DNAH5: variants seen among roughly 807,000 people sequenced by gnomAD.
DNAH5 encodes the protein dynein axonemal heavy chain 5.
In DNAH5, 372 loss-of-function variants were observed where a neutral mutation model predicts 518.2. The ratio of observed to expected loss-of-function variants is 0.72; its 90% CI spans 0.66 to 0.78. The LOEUF (loss-of-function observed/expected upper bound fraction) is 0.78. Ranked by LOEUF, DNAH5 falls within the 30% of genes least tolerant of loss-of-function variation. DNAH5 has a pLI of 0.00. For synonymous variants in DNAH5, 2,039 were observed against 2,025.9 expected (o/e 1.01, Z -0.17); for missense variants, 5,523 against 5,687.0 (o/e 0.97, Z 0.93).
intron 29 of DNAH5, among the ~76,000 whole-genome samples, chr5:13,861,793 C>T (rs893421173): frequency 9.9e-5 from 15 of 151,920 alleles, no homozygotes; most frequent in Middle Eastern, 6.8e-3. Context: ...CCTGTCTCTA[C>T]TAAAAATACA....
intron 65 of DNAH5, among the ~76,000 whole-genome samples, chr5:13,747,468 T>A (rs1304364558): frequency 1.3e-5 from 2 of 152,212 alleles, no homozygotes; most frequent in Non-Finnish European, 2.9e-5. Context: ...CGCCACACTG[T>A]CTTCCACAAT....
intron 74 of DNAH5, among the ~76,000 whole-genome samples, 163 bp downstream of exon 74, chr5:13,716,324 T>C (rs1744274411): frequency 1.3e-5 from 2 of 152,152 alleles, no homozygotes; most frequent in Admixed American, 1.3e-4. Flanking sequence ...ATTTTAATCA[T>C]CCATTGAGTA....
chr5:13,900,055 A>G (rs1451486229), intron 15 of DNAH5, 151 bp downstream of exon 15: 1 of 708,452 alleles, frequency 1.4e-6, no homozygotes, highest in East Asian at 2.7e-5. Context: ...GCCCCAGCCA[A>G]CTCTGCAGCT....
In DNAH5 at chr5:13,837,291, C is replaced by A. The variant is rs530431917; in HGVS notation, c.5882+2065G>T. The stretch of plus-strand genomic sequence containing the variant: ...AAAAACAAGGTGGAGAGAAACTGTG[C>A]TTTTGAGGGGTTTTGAAGGGAGCAT... On this transcript the variant is annotated intron_variant, in intron 35 of 78. Coordinates refer to ENST00000265104, the MANE Select transcript of DNAH5 (RefSeq NM_001369.3). Among the ~76,000 whole-genome samples, 5 of 152,264 alleles carry A rather than the reference C, an allele frequency of 3.3e-5. No individual in the cohort carries two copies. The East Asian group carries it at 9.6e-4, about 29-fold the overall frequency.
chr5:13,823,136 G>T, intron 40 of DNAH5, 127 bp downstream of exon 40: 1 of 779,428 alleles, frequency 1.3e-6, no homozygotes, highest in Non-Finnish European at 2.3e-6. Flanking sequence ...AGACAGCAGT[G>T]TTAGCCTCAC....
chr5:13,724,189 C>T (rs192352109), intron 70 of DNAH5, among the ~76,000 whole-genome samples: 15 of 152,356 alleles, frequency 9.8e-5, no homozygotes, highest in Admixed American at 4.6e-4. Flanking sequence ...CTCGGTCTCC[C>T]CATCTTCTCA....
chr5:13,864,588 G>A lies in DNAH5; in HGVS notation c.4405C>T (p.Leu1469=). The change falls in exon 28 of 79, where the codon CTG becomes TTG. Residue 1469 remains leucine (L), a synonymous_variant. Transcript: ENST00000265104. Reference sequence around the variant, plus strand: ...CTGAAATCATCAATGATCTTCTTCAGGTCCAAAAAAGCCTGCCAGTCCTTC... The same window carrying A: ...CTGAAATCATCAATGATCTTCTTCAAGTCCAAAAAAGCCTGCCAGTCCTTC... ...ALKDWQAFLD[L]KKIIDDFSEC... is the part of the protein sequence containing the mutation. 1.9e-6 allele frequency: 3 copies of A among 1,614,062 alleles called. No individual in the cohort carries two copies. The highest frequency in any genetic ancestry group is 2.5e-6 in the Non-Finnish European group (3 of 1,180,016).
At chr5:13,979,241 A>G (rs1391249237) in intron 1 of DNAH5, among the ~76,000 whole-genome samples, 1 of 152,046 alleles carries the variant, frequency 6.6e-6, no homozygotes, top group Non-Finnish European at 1.5e-5. Context: ...CATCACCTTC[A>G]TCATGAGGCC....
chr5:13,744,458 T>C (rs1481766664), intron 65 of DNAH5, among the ~76,000 whole-genome samples: 2 of 152,004 alleles, frequency 1.3e-5, no homozygotes, highest in East Asian at 1.9e-4. Flanking sequence ...GATTATATTA[T>C]ATAATTTCAA....
chr5:13,782,856 A>G (rs1328239496), intron 52 of DNAH5, among the ~76,000 whole-genome samples: 1 of 152,186 alleles, frequency 6.6e-6, no homozygotes, highest in Non-Finnish European at 1.5e-5. Flanking sequence ...ACCCTCAAAT[A>G]GGGCTATTTT....
At chr5:13,845,087 G>T in intron 31 of DNAH5, 94 bp from the exon 32 acceptor site, 3 of 1,196,098 alleles carry the variant, frequency 2.5e-6, no homozygotes, top group Non-Finnish European at 2.4e-6. Flanking sequence ...GGAGAAGATT[G>T]TGTGACTTGT....
intron 12 of DNAH5, among the ~76,000 whole-genome samples, chr5:13,910,407 G>C (rs1775841222): frequency 1.3e-5 from 2 of 152,328 alleles, no homozygotes; most frequent in Non-Finnish European, 2.9e-5. Flanking sequence ...CTGGCACATA[G>C]AATGAGCTAG....
chr5:14,002,636 GAT>G (rs1784440311), intron 1 of DNAH5, among the ~76,000 whole-genome samples: 1 of 73,434 alleles, frequency 1.4e-5, no homozygotes, highest in South Asian at 5.8e-4. Context: ...AAAATACACA[GAT>G]ACATACACAC....
chr5:13,893,784 G>A (rs79794116), intron 16 of DNAH5, among the ~76,000 whole-genome samples: 2,030 of 152,124 alleles, frequency 0.013, 47 homozygotes, highest in African/African-American at 0.045. Context: ...ACAGGAGGTA[G>A]AGTAATCAGA....
chr5:13,699,190 A>G lies in DNAH5; in HGVS notation c.13723+1450T>C, dbSNP rs551463880. On this transcript the variant is annotated intron_variant, in intron 78 of 78. Coordinates refer to ENST00000265104, the MANE Select transcript of DNAH5 (RefSeq NM_001369.3). ...CTCTCATTCTTGTCCTCCAAAGCAC[A>G]TCTCAAAAGCAATCACCCCTAAACT... 2.0e-5 allele frequency among the ~76,000 whole-genome samples: 3 copies of G among 152,332 alleles called. No homozygotes were observed. The East Asian group carries it at 5.8e-4, about 29-fold the overall frequency.
chr5:13,978,308 A>G (rs1173221284), intron 1 of DNAH5, among the ~76,000 whole-genome samples: 2 of 152,192 alleles, frequency 1.3e-5, no homozygotes, highest in East Asian at 1.9e-4. Flanking sequence ...TGAGATTAAC[A>G]TTTAGATCAG....
Position 13,923,229 on chromosome 5 carries a change from A to G in DNAH5, c.438+51T>C, listed in dbSNP as rs771960227. ...TCCACCAGAGGAATATTTGTGTGCA[A>G]GTTGTGTGTTTTTTGGTAATTCAGA... is the stretch of plus-strand genomic sequence containing the variant. On this transcript the variant is annotated intron_variant, in intron 4 of 78. Transcript: ENST00000265104. 16 of 1,603,420 alleles carry G rather than the reference A, an allele frequency of 1.0e-5. No homozygotes were observed. The South Asian group carries it at 1.7e-4, about 17-fold the overall frequency.
chr5:13,765,900 A>T, intron 59 of DNAH5, 76 bp downstream of exon 59: 1 of 1,433,026 alleles, frequency 7.0e-7, no homozygotes, highest in Non-Finnish European at 9.8e-7. Flanking sequence ...TTTTTTAGAA[A>T]CTTATTCTAC....
At chr5:13,850,287 TATACTAAA>T (rs373936663) in intron 31 of DNAH5, among the ~76,000 whole-genome samples, 9,364 of 152,242 alleles carry the variant, frequency 0.062, 300 homozygotes, top group African/African-American at 0.079. Flanking sequence ...ACTGCATGTA[TATACTAAA>T]CACTGTTTCA....
Sources: gnomAD v4.1 joint callset for allele counts (sites outside exome capture counted in the v4.1 genomes callset) on GRCh38, gnomAD v4.1.1 for gene constraint, MANE v1.5 for transcripts, NCBI Gene and HGNC (gene_info 2026-07-23, HGNC 2026-07-21) for gene names.